The following RWDD4 variants were observed in gnomAD, a reference collection of about 807,000 sequenced individuals.
RWDD4 encodes RWD domain-containing protein 4.
Under a neutral mutation model 30.0 loss-of-function variants are expected in RWDD4, and 16 were observed. The observed-to-expected ratio is 0.53, with a 90% CI of 0.36 to 0.81. The LOEUF (loss-of-function observed/expected upper bound fraction) is 0.81. RWDD4 is among the 30% of genes least tolerant of loss of function. RWDD4 has a pLI of 0.00. For missense variants in RWDD4, 170 were observed against 223.9 expected, an observed-to-expected ratio of 0.76 and a Z score of 1.54; for synonymous variants, 45 against 72.1, an observed-to-expected ratio of 0.62 and a Z score of 1.90.
chr4:183,656,145 T>C, intron 1 of RWDD4, 184 bp from the exon 2 acceptor site: 1 of 521,872 alleles, frequency 1.9e-6, no homozygotes. Flanking sequence ...TGATACTTAC[T>C]TTCAAACTCT....
chr4:183,652,039 A>AT (rs932474078), intron 2 of RWDD4, among the ~76,000 whole-genome samples: 5 of 151,924 alleles, frequency 3.3e-5, no homozygotes, highest in African/African-American at 9.7e-5. Context: ...TCCCAATGTG[A>AT]TTTTTTTCCC....
chr4:183,652,232 A>G (rs1365101234), intron 2 of RWDD4, among the ~76,000 whole-genome samples: 1 of 152,234 alleles, frequency 6.6e-6, no homozygotes, highest in Non-Finnish European at 1.5e-5. Context: ...AATCATATCT[A>G]AAGTGTCCTT....
At position 183,650,966 on chromosome 4, in the gene RWDD4, A is replaced by G; in HGVS notation, c.363+18T>C. ...AAAACAACAAAAGAATCCGGCAAAA[A>G]AATAATCACATACTCACTGCGGAAT... is the stretch of plus-strand genomic sequence containing the variant. On this transcript the variant is annotated intron_variant, in intron 4 of 7. Coordinates refer to ENST00000326397, the MANE Select transcript of RWDD4 (RefSeq NM_152682.4). 1 of 1,593,326 alleles carries G rather than the reference A, an allele frequency of 6.3e-7. No individual in the cohort carries two copies. Among genetic ancestry groups the G allele is most frequent in the Non-Finnish European group, 8.6e-7 (1 of 1,169,038 alleles).
chr4:183,650,787 A>G (rs1734058115), intron 4 of RWDD4, among the ~76,000 whole-genome samples, 197 bp downstream of exon 4: 1 of 152,224 alleles, frequency 6.6e-6, no homozygotes, highest in Non-Finnish European at 1.5e-5. Context: ...AAGGATAAAA[A>G]TCTAGAGAAT....
At chr4:183,643,059 AAAATAAAT>A (rs201296160) in intron 7 of RWDD4, among the ~76,000 whole-genome samples, 203 of 112,482 alleles carry the variant, frequency 1.8e-3, no homozygotes, top group Middle Eastern at 5.0e-3. Context: ...ACTCCGTTCA[AAAATAAAT>A]AAATAAATAA....
intron 7 of RWDD4, among the ~76,000 whole-genome samples, chr4:183,642,221 G>A (rs1440074645): frequency 2.8e-5 from 2 of 70,750 alleles, no homozygotes; most frequent in Non-Finnish European, 4.7e-5. Context: ...ACAGAGTCTC[G>A]CTCTGTCGCC....
intron 2 of RWDD4, among the ~76,000 whole-genome samples, chr4:183,652,871 C>G (rs1203957378): frequency 6.7e-6 from 1 of 148,808 alleles, no homozygotes; most frequent in Non-Finnish European, 1.5e-5. Flanking sequence ...GAGCTACAGG[C>G]GTGTGCCCCA....
At chr4:183,648,529 TG>T (rs1734010246) in intron 5 of RWDD4, among the ~76,000 whole-genome samples, 1 of 152,236 alleles carries the variant, frequency 6.6e-6, no homozygotes, top group African/African-American at 2.4e-5. Context: ...TTAGAACATA[TG>T]AGAATTCTAT....
intron 7 of RWDD4, among the ~76,000 whole-genome samples, 187 bp from the exon 8 acceptor site, chr4:183,641,655 T>G (rs1341501600): frequency 6.6e-6 from 1 of 152,164 alleles, no homozygotes; most frequent in African/African-American, 2.4e-5. Flanking sequence ...AATGTAACCT[T>G]GACAAAAATC....
intron 7 of RWDD4, among the ~76,000 whole-genome samples, chr4:183,643,114 TTA>T (rs1491501578): frequency 1.1e-5 from 1 of 93,060 alleles, no homozygotes; most frequent in Non-Finnish European, 2.0e-5. Flanking sequence ...AAAATAAAAA[TTA>T]AAAAAAAAAA....
intron 5 of RWDD4, among the ~76,000 whole-genome samples, chr4:183,646,905 G>A (rs1579125086): frequency 6.6e-6 from 1 of 152,140 alleles, no homozygotes; most frequent in Non-Finnish European, 1.5e-5. Flanking sequence ...GTAATAAGTT[G>A]TATTGTTCTG....
Position 183,651,139 on chromosome 4 carries a change from G to A in RWDD4, c.216-8C>T, listed in dbSNP as rs916462262. On this transcript the variant is annotated splice_region_variant and splice_polypyrimidine_tract_variant and intron_variant, in intron 3 of 7. Coordinates refer to ENST00000326397, the MANE Select transcript of RWDD4 (RefSeq NM_152682.4). Reference sequence around the variant, plus strand: ...TGCTTTACAGCTGATGATCTACAATGCACAACAAAAATACCTTGCTGAGAG... The same window carrying A: ...TGCTTTACAGCTGATGATCTACAATACACAACAAAAATACCTTGCTGAGAG... 6 of 1,613,890 alleles carry A rather than the reference G, an allele frequency of 3.7e-6. No individual in the cohort carries two copies. The African/African-American group carries it at 8.0e-5, about 22-fold the overall frequency.
intron 7 of RWDD4, among the ~76,000 whole-genome samples, chr4:183,643,221 G>GTTTGT (rs1229649174): frequency 6.7e-6 from 1 of 148,256 alleles, no homozygotes; most frequent in African/African-American, 2.5e-5. Flanking sequence ...GAGGTCAGGA[G>GTTTGT]TTTGTGACCA....
At chr4:183,651,631 G>A (rs772597919) in intron 2 of RWDD4, among the ~76,000 whole-genome samples, 15 of 152,082 alleles carry the variant, frequency 9.9e-5, no homozygotes, top group Non-Finnish European at 1.5e-4. Flanking sequence ...AGTGTTTTCC[G>A]AGGATGAAAA....
chr4:183,642,141 G>C (rs897425362), intron 7 of RWDD4, among the ~76,000 whole-genome samples: 1 of 151,616 alleles, frequency 6.6e-6, no homozygotes, highest in Non-Finnish European at 1.5e-5. Flanking sequence ...TAAAGGTGTT[G>C]GTTCTCAAAT....
At chr4:183,654,288 T>C (rs1022347092) in intron 2 of RWDD4, among the ~76,000 whole-genome samples, 5 of 152,126 alleles carry the variant, frequency 3.3e-5, no homozygotes, top group African/African-American at 1.2e-4. Flanking sequence ...AAGAAGAGAA[T>C]GGGATGACAA....
At chr4:183,651,913 T>C (rs1256908476) in intron 2 of RWDD4, among the ~76,000 whole-genome samples, 1 of 152,230 alleles carries the variant, frequency 6.6e-6, no homozygotes, top group Admixed American at 6.5e-5. Context: ...TTTTTAATCT[T>C]AAAGAAAAAC....
In RWDD4 at chr4:183,651,046, A is replaced by C; in HGVS notation, c.301T>G (p.Phe101Val). 4 of 1,613,590 alleles carry C rather than the reference A, an allele frequency of 2.5e-6. No homozygotes were observed. Among genetic ancestry groups the C allele is most frequent in the Non-Finnish European group, 3.4e-6 (4 of 1,179,964 alleles). Residue 101 changes from phenylalanine to valine, a missense_variant, in exon 4 of 8, where the codon TTT (phenylalanine) becomes GTT (valine). By Grantham distance (50) the Phe-to-Val change is conservative. Coordinates refer to ENST00000326397, the MANE Select transcript of RWDD4 (RefSeq NM_152682.4). ...TCTTTATTGTCTTTGGCATATTCAA[A>C]CAATGTATAGGTCATAGCGGTTCCA... The part of the protein sequence containing the change: ...NLGTAMTYTL[F>V]EYAKDNKEQF...
rs1403405932 is a variant in RWDD4 at position 183,641,370 on chromosome 4, A to G, written c.*66T>C. On this transcript the variant is annotated 3_prime_UTR_variant, in exon 8 of 8. Coordinates refer to ENST00000326397, the MANE Select transcript of RWDD4 (RefSeq NM_152682.4). ...GTCGCCTCAATACCAGAAAATAGTA[A>G]TGAAAGATTTTGAACCCAGTTTTAC... 2.3e-6 allele frequency: 3 copies of G among 1,287,580 alleles called. No homozygotes were observed. The African/African-American group carries it at 4.5e-5, about 19-fold the overall frequency. The allele number at this position is 1,287,580 out of a possible 1,614,324, so 79.8% of individuals were successfully genotyped here.
Sources: gnomAD v4.1 joint callset for allele counts (sites outside exome capture counted in the v4.1 genomes callset) on GRCh38, gnomAD v4.1.1 for gene constraint, MANE v1.5 for transcripts, NCBI Gene and HGNC (gene_info 2026-07-23, HGNC 2026-07-21) for gene names.